Variants in TMPRSS2 observed in about 807,000 individuals in gnomAD.
TMPRSS2 encodes transmembrane protease serine 2.
TMPRSS2 carries 59 observed loss-of-function variants against 67.4 expected under a neutral mutation model. The ratio of observed to expected loss-of-function variants is 0.88; its 90% CI spans 0.71 to 1.09. TMPRSS2 has a LOEUF of 1.09. TMPRSS2 is among the 50% of genes least tolerant of loss of function. The pLI, the probability that TMPRSS2 is intolerant of heterozygous loss-of-function variation, is 0.00. For synonymous variants in TMPRSS2, 257 were observed against 257.0 expected (o/e 1.00, Z 0.00); for missense variants, 668 against 642.7 (o/e 1.04, Z -0.43).
In TMPRSS2 at chr21:41,494,535, T is replaced by A. The variant is rs890009362; in HGVS notation, c.59A>T (p.Tyr20Phe). 1 of 1,613,756 alleles carries A rather than the reference T, an allele frequency of 6.2e-7. No homozygotes were observed. The highest frequency in any genetic ancestry group is 1.3e-5 in the African/African-American group (1 of 75,010). Reference sequence around the variant, plus strand: ...TGCGGGATAGGGGTTTTCCGGTTGGTATCCATGGTTTTCATAGTAAGGTCC... The same window carrying A: ...TGCGGGATAGGGGTTTTCCGGTTGGAATCCATGGTTTTCATAGTAAGGTCC... ...AIGPYYENHG[Y>F]QPENPYPAQP... Residue 20 changes from tyrosine (Y) to phenylalanine (F), a missense_variant, in exon 3 of 14, where the codon TAC becomes TTC. By Grantham distance (22) the Tyr-to-Phe change is conservative. Transcript: ENST00000332149.
chr21:41,480,764 G>A (rs917278798), intron 5 of TMPRSS2, among the ~76,000 whole-genome samples, 162 bp from the exon 6 acceptor site: 3 of 151,992 alleles, frequency 2.0e-5, no homozygotes, highest in Admixed American at 2.0e-4. Context: ...TCAGCCTCCC[G>A]AGTAGCTGGG....
intron 13 of TMPRSS2, among the ~76,000 whole-genome samples, 197 bp downstream of exon 13, chr21:41,467,537 G>A (rs2091095210): frequency 6.6e-6 from 1 of 152,170 alleles, no homozygotes; most frequent in South Asian, 2.1e-4. Context: ...GGGGAAATAT[G>A]CAAGTGAAGC....
chr21:41,479,671 G>C (rs1395247821), intron 6 of TMPRSS2, among the ~76,000 whole-genome samples: 1 of 152,124 alleles, frequency 6.6e-6, no homozygotes, highest in African/African-American at 2.4e-5. Context: ...CACCCCTGCT[G>C]TTTAGGGATG....
chr21:41,491,848 G>A (rs1483829891), intron 3 of TMPRSS2, among the ~76,000 whole-genome samples: 1 of 152,178 alleles, frequency 6.6e-6, no homozygotes, highest in Non-Finnish European at 1.5e-5. Flanking sequence ...ACACCACTGG[G>A]TCTTGGCTTG....
At chr21:41,472,375 G>A (rs981191311) in intron 9 of TMPRSS2, among the ~76,000 whole-genome samples, 1 of 152,170 alleles carries the variant, frequency 6.6e-6, no homozygotes, top group Non-Finnish European at 1.5e-5. Context: ...AGACTTGTCC[G>A]ATATCAATCA....
At chr21:41,466,516 A>C (rs936200785) in intron 13 of TMPRSS2, among the ~76,000 whole-genome samples, 2 of 152,206 alleles carry the variant, frequency 1.3e-5, no homozygotes, top group African/African-American at 4.8e-5. Context: ...TCCTGGTGCG[A>C]GTCCGCCCCT....
intron 4 of TMPRSS2, 89 bp from the exon 5 acceptor site, chr21:41,488,602 C>A: frequency 2.1e-6 from 3 of 1,415,294 alleles, no homozygotes; most frequent in Non-Finnish European, 2.9e-6. Flanking sequence ...ATTACTGTAG[C>A]TCGCTGCAGC....
At chr21:41,485,003 G>A (rs557224603) in intron 5 of TMPRSS2, among the ~76,000 whole-genome samples, 1 of 152,008 alleles carries the variant, frequency 6.6e-6, no homozygotes, top group East Asian at 1.9e-4. Flanking sequence ...AAACTCTCTG[G>A]AAAGAGAAGC....
chr21:41,485,023 G>A (rs188263047), intron 5 of TMPRSS2, among the ~76,000 whole-genome samples: 113 of 151,864 alleles, frequency 7.4e-4, no homozygotes, highest in African/African-American at 2.6e-3. Context: ...CAACTCAGAT[G>A]AGTTGCCCCA....
At chr21:41,489,086 G>T (rs998082572) in intron 4 of TMPRSS2, among the ~76,000 whole-genome samples, 10 of 152,214 alleles carry the variant, frequency 6.6e-5, no homozygotes, top group Admixed American at 6.5e-4. Context: ...CGTCCTCTCT[G>T]CCACACAGGT....
chr21:41,469,877 C>A (rs2070789), intron 11 of TMPRSS2, among the ~76,000 whole-genome samples: 3 of 151,890 alleles, frequency 2.0e-5, no homozygotes, highest in Non-Finnish European at 4.4e-5. Context: ...AAATATTTGT[C>A]GATATTCCCT....
At chr21:41,493,107 T>C (rs1447491172) in intron 3 of TMPRSS2, among the ~76,000 whole-genome samples, 1 of 152,140 alleles carries the variant, frequency 6.6e-6, no homozygotes, top group African/African-American at 2.4e-5. Context: ...CCACCCACAC[T>C]GTCTCCAGAC....
chr21:41,470,869 A>G (rs980751769), intron 10 of TMPRSS2, 126 bp from the exon 11 acceptor site: 61 of 616,782 alleles, frequency 9.9e-5, no homozygotes, highest in Non-Finnish European at 8.3e-6. Flanking sequence ...CTGCATCCCA[A>G]CAAGTCCCAC....
At chr21:41,507,918 G>A (rs773121130) in intron 1 of TMPRSS2, 163 bp downstream of exon 1, 3 of 1,494,454 alleles carry the variant, frequency 2.0e-6, no homozygotes, top group South Asian at 1.2e-5. Flanking sequence ...CTGCCCGGCT[G>A]GCCCCAGCGC....
intron 7 of TMPRSS2, among the ~76,000 whole-genome samples, chr21:41,477,414 C>T (rs556400368): frequency 2.0e-5 from 3 of 152,166 alleles, no homozygotes; most frequent in South Asian, 2.1e-4. Flanking sequence ...GAGCGACGGA[C>T]GTTTCTTTAC....
At chr21:41,495,792 C>T (rs2091377061) in intron 2 of TMPRSS2, among the ~76,000 whole-genome samples, 1 of 151,848 alleles carries the variant, frequency 6.6e-6, no homozygotes, top group Non-Finnish European at 1.5e-5. Flanking sequence ...CCACTCAAGA[C>T]GTACAGACTC....
At position 41,470,613 on chromosome 21, in the gene TMPRSS2, G is replaced by C. The variant is rs745512856; in HGVS notation, c.1171+35C>G. On this transcript the variant is annotated intron_variant, in intron 11 of 13. Coordinates refer to ENST00000332149, the MANE Select transcript of TMPRSS2 (RefSeq NM_005656.4). ...TCCGAACCCAATGCTCCATCTGTGGGCCCTGCAGTCCTGTGTGCCCAGGAG... is the reference window on the plus strand; with the variant it reads ...TCCGAACCCAATGCTCCATCTGTGGCCCCTGCAGTCCTGTGTGCCCAGGAG... 6.3e-6 allele frequency: 10 copies of C among 1,593,508 alleles called. No individual in the cohort carries two copies. The Admixed American group carries it at 1.2e-4, about 19-fold the overall frequency.
At position 41,479,238 on chromosome 21, in the gene TMPRSS2, G is replaced by C; in HGVS notation, c.617C>G (p.Ser206Cys). Reference sequence around the variant, plus strand: ...TGTGTTCAGTTTCATAAAGCTGGTGGATCCGCTGTCATCCACTATTCCTTG... The same window carrying C: ...TGTGTTCAGTTTCATAAAGCTGGTGCATCCGCTGTCATCCACTATTCCTTG... ...SSQGIVDDSG[S>C]TSFMKLNTSA... is the part of the protein sequence containing the mutation. The change falls in exon 7 of 14, where the codon TCC becomes TGC. Residue 206 changes from serine (S) to cysteine (C), a missense_variant. Ser to Cys is a moderately radical substitution (Grantham distance 112). Transcript: ENST00000332149. 1.9e-6 allele frequency: 3 copies of C among 1,614,000 alleles called. No individual in the cohort carries two copies. Among genetic ancestry groups the C allele is most frequent in the Non-Finnish European group, 2.5e-6 (3 of 1,179,992 alleles).
rs1343230848 is a variant in TMPRSS2 at position 41,471,811 on chromosome 21, A to G, written c.1070T>C (p.Phe357Ser). 4.4e-6 allele frequency: 7 copies of G among 1,598,710 alleles called. No homozygotes were observed. The Admixed American group carries it at 1.2e-4, about 27-fold the overall frequency. The change falls in exon 10 of 14, where the codon TTC becomes TCC. Residue 357 changes from phenylalanine to serine, a missense_variant. Physicochemically the swap from Phe to Ser is radical, Grantham distance 155. Coordinates refer to ENST00000332149, the MANE Select transcript of TMPRSS2 (RefSeq NM_005656.4). ...ALMKLQKPLT[F>S]NDLVKPVCLP... is the part of the protein sequence containing the mutation. ...CAAGCCTGAGCCACACGTACCGTTG[A>G]AAGTCAGAGGCTTCTGCAGCTTCAT...
Sources: gnomAD v4.1 joint callset for allele counts (sites outside exome capture counted in the v4.1 genomes callset) on GRCh38, gnomAD v4.1.1 for gene constraint, MANE v1.5 for transcripts, NCBI Gene and HGNC (gene_info 2026-07-23, HGNC 2026-07-21) for gene names.